IGSF21: variants seen among roughly 807,000 people sequenced by gnomAD.
The protein encoded by IGSF21 is immunoglobulin superfamily member 21.
IGSF21 carries 28 observed loss-of-function variants against 46.8 expected under a neutral mutation model. The ratio of observed to expected loss-of-function variants is 0.60; its 90% CI spans 0.44 to 0.82. The LOEUF (loss-of-function observed/expected upper bound fraction) is 0.82. IGSF21 is among the 40% of genes least tolerant of loss of function. The pLI is 0.00. For missense variants in IGSF21, 624 were observed against 665.5 expected (o/e 0.94, Z 0.69); for synonymous variants, 284 against 273.6 (o/e 1.04, Z -0.38).
intron 2 of IGSF21, among the ~76,000 whole-genome samples, chr1:18,282,560 G>A (rs1161192678): frequency 6.6e-6 from 1 of 151,808 alleles, no homozygotes; most frequent in Non-Finnish European, 1.5e-5. Context: ...TATTCGACTG[G>A]TGGGTGCCTA....
Position 18,335,120 on chromosome 1 carries a change from C to T in IGSF21, c.424+110C>T. 1.2e-6 allele frequency: 1 copy of T among 818,146 alleles called. No homozygotes were observed. Among genetic ancestry groups the T allele is most frequent in the Non-Finnish European group, 2.0e-6 (1 of 489,850 alleles). 50.7% of individuals were successfully genotyped at this position (818,146 alleles called of 1,614,324 possible). A position where few individuals can be genotyped will look rare whatever the true frequency, so the allele number is the denominator to read the frequency against. On this transcript the variant is annotated intron_variant, in intron 4 of 9. Transcript: ENST00000251296. The surrounding 1 kb of genome is among the most constrained non-coding windows in gnomAD (Gnocchi z 4.8). ...TCCTGGGGGCCATCCACCAGAAGTT[C>T]TGTTGTGCTGGTGTCTTCCCTTTCC...
At chr1:18,228,712 T>G (rs1328570406) in intron 2 of IGSF21, among the ~76,000 whole-genome samples, 3 of 152,222 alleles carry the variant, frequency 2.0e-5, no homozygotes, top group Non-Finnish European at 4.4e-5. Context: ...TTTCTTCCAA[T>G]GCATGCTTGA....
intron 2 of IGSF21, among the ~76,000 whole-genome samples, chr1:18,231,844 G>A (rs2084629402): frequency 6.6e-6 from 1 of 151,884 alleles, no homozygotes; most frequent in Non-Finnish European, 1.5e-5. Flanking sequence ...TGATCATTGA[G>A]TCAGTTTTCC....
chr1:18,147,100 C>T (rs946746579), intron 1 of IGSF21, among the ~76,000 whole-genome samples: 24 of 152,228 alleles, frequency 1.6e-4, no homozygotes, highest in Non-Finnish European at 1.5e-5. Context: ...CACGTGTCCA[C>T]GCCTGCCATA....
intron 3 of IGSF21, among the ~76,000 whole-genome samples, chr1:18,311,171 A>G (rs1026864455): frequency 1.3e-5 from 2 of 152,182 alleles, no homozygotes; most frequent in African/African-American, 2.4e-5. Flanking sequence ...GCAGGATATG[A>G]GAGCCCCAGG....
At chr1:18,303,359 A>G (rs2085379688) in intron 3 of IGSF21, among the ~76,000 whole-genome samples, 1 of 152,094 alleles carries the variant, frequency 6.6e-6, no homozygotes, top group Non-Finnish European at 1.5e-5. Flanking sequence ...AAGAGCTGAG[A>G]GCTCCCCGTT....
At chr1:18,339,051 G>A (rs2085801520) in intron 4 of IGSF21, among the ~76,000 whole-genome samples, 1 of 152,160 alleles carries the variant, frequency 6.6e-6, no homozygotes, top group Non-Finnish European at 1.5e-5. Context: ...CACCGAGTGG[G>A]GCCCTTTCAA....
chr1:18,264,173 C>T (rs2084970687), intron 2 of IGSF21, among the ~76,000 whole-genome samples: 1 of 152,106 alleles, frequency 6.6e-6, no homozygotes, highest in South Asian at 2.1e-4. Flanking sequence ...TCTGCAGTCC[C>T]CTCCTTCTGT....
chr1:18,214,653 G>A (rs2084424799), intron 1 of IGSF21, among the ~76,000 whole-genome samples: 1 of 152,196 alleles, frequency 6.6e-6, no homozygotes, highest in Admixed American at 6.5e-5. Context: ...ATGGAGGAAG[G>A]TGAAGGGGAA....
At chr1:18,295,856 C>T (rs1210763319) in intron 3 of IGSF21, among the ~76,000 whole-genome samples, 1 of 152,198 alleles carries the variant, frequency 6.6e-6, no homozygotes, top group Non-Finnish European at 1.5e-5. Flanking sequence ...TACCCAGCCC[C>T]CTCGTCCCTC....
At chr1:18,152,477 G>A (rs1452544373) in intron 1 of IGSF21, among the ~76,000 whole-genome samples, 2 of 152,194 alleles carry the variant, frequency 1.3e-5, no homozygotes, top group African/African-American at 2.4e-5. Flanking sequence ...AAACAGTCTT[G>A]AGCTCACAAT....
intron 1 of IGSF21, among the ~76,000 whole-genome samples, chr1:18,184,427 A>G (rs2086885005): frequency 6.6e-6 from 1 of 152,132 alleles, no homozygotes; most frequent in Non-Finnish European, 1.5e-5. Context: ...GCCAAGCTAC[A>G]CAGATTTCGT....
Position 18,290,902 on chromosome 1 carries a change from G to C in IGSF21, c.184-964G>C, listed in dbSNP as rs1036416468. On this transcript the variant is annotated intron_variant, in intron 2 of 9. Transcript: ENST00000251296. The surrounding 1 kb of genome is among the most constrained non-coding windows in gnomAD (Gnocchi z 4.2). ...AGCTAATTCCACTTCTCTAGGCCCA[G>C]GCATGAGGCCTCCCCATTGCAGGCT... 6.6e-6 allele frequency among the ~76,000 whole-genome samples: 1 copy of C among 151,992 alleles called. No homozygotes were observed. Among genetic ancestry groups the C allele is most frequent in the African/African-American group, 2.4e-5 (1 of 41,382 alleles).
chr1:18,225,642 CA>C (rs1315426441), intron 1 of IGSF21, among the ~76,000 whole-genome samples: 3 of 152,122 alleles, frequency 2.0e-5, no homozygotes, highest in African/African-American at 7.2e-5. Context: ...ACTATATCTG[CA>C]AAGGTGAGAG....
Position 18,328,676 on chromosome 1 carries a change from G to A in IGSF21, c.306-6216G>A, listed in dbSNP as rs544354478. On this transcript the variant is annotated intron_variant, in intron 3 of 9. Transcript: ENST00000251296. ...GGCCCTGTTGTAAGTGCACTGGTAT[G>A]TGTTCATTCATTCAGGCTTCAGTTC... Among the ~76,000 whole-genome samples the A allele has an allele frequency of 2.0e-4, 31 of 152,344 alleles. 1 individual carries two copies. The South Asian group carries it at 6.2e-3, about 31-fold the overall frequency.
intron 3 of IGSF21, among the ~76,000 whole-genome samples, chr1:18,301,662 C>T (rs2124575742): frequency 6.6e-6 from 1 of 152,276 alleles, no homozygotes; most frequent in Admixed American, 6.5e-5. Flanking sequence ...AATTGATGCC[C>T]ACCCTGTGCC....
chr1:18,164,903 G>T (rs1389158285), intron 1 of IGSF21, among the ~76,000 whole-genome samples: 4 of 106,628 alleles, frequency 3.8e-5, no homozygotes, highest in African/African-American at 7.8e-5. Flanking sequence ...CCCCACAACA[G>T]GCCCTAGTGT....
At chr1:18,252,132 G>C (rs1172135667) in intron 2 of IGSF21, among the ~76,000 whole-genome samples, 2 of 129,630 alleles carry the variant, frequency 1.5e-5, no homozygotes, top group African/African-American at 5.9e-5. Flanking sequence ...CTCACTGCAA[G>C]CTCCGCCTCC....
chr1:18,154,288 CTCTT>C (rs1051467746), intron 1 of IGSF21, among the ~76,000 whole-genome samples: 2 of 152,110 alleles, frequency 1.3e-5, no homozygotes, highest in African/African-American at 2.4e-5. Flanking sequence ...GTGCTTTTCT[CTCTT>C]TCTTTTGTCA....
Sources: allele counts gnomAD v4.1 joint callset (sites outside exome capture counted in the v4.1 genomes callset), GRCh38; gene constraint gnomAD v4.1.1; non-coding constraint Gnocchi (gnomAD v3.1); transcripts MANE v1.5; gene names NCBI Gene and HGNC (gene_info 2026-07-23, HGNC 2026-07-21).